The following DOK6 variants were observed in gnomAD, a reference collection of about 807,000 sequenced individuals.
DOK6 encodes the protein downstream of tyrosine kinase 6.
DOK6 carries 22 observed loss-of-function variants against 44.0 expected under a neutral mutation model. The observed-to-expected ratio is 0.50, with a 90% confidence interval of 0.36 to 0.71. The LOEUF is 0.71. Among genes scored for constraint, DOK6 ranks in the 30% least tolerant of loss-of-function variants. The pLI is 0.00. For missense variants in DOK6, 340 were observed against 416.4 expected, an observed-to-expected ratio of 0.82 and a Z score of 1.60; for synonymous variants, 166 against 145.5, an observed-to-expected ratio of 1.14 and a Z score of -1.01.
rs140434706 is a variant in DOK6, at chr18:69,599,445, C to T, written c.236C>T (p.Ala79Val). 2.4e-3 allele frequency: 3,812 copies of T among 1,613,822 alleles called. 6 individuals are homozygous for T. Among genetic ancestry groups the T allele is most frequent in the Non-Finnish European group, 2.7e-3 (3,233 of 1,179,908 alleles). ...TRLPRETKKHAVAIIFHDETS... is the reference protein window; with the variant it reads ...TRLPRETKKHVVAIIFHDETS... Reference sequence around the variant, plus strand: ...CTGCCCCGAGAGACAAAGAAGCATGCGGTGGCAATCATCTTTCACGATGAA... The same window carrying T: ...CTGCCCCGAGAGACAAAGAAGCATGTGGTGGCAATCATCTTTCACGATGAA... Residue 79 changes from alanine to valine, a missense_variant, in exon 3 of 8, where the codon GCG becomes GTG. By Grantham distance (64) the Ala-to-Val change is moderately conservative. Around this residue, in one of 3 missense-constraint regions of DOK6, gnomAD observed 206 missense variants for 258.6 expected, o/e 0.80. Transcript: ENST00000382713.
intron 7 of DOK6, among the ~76,000 whole-genome samples, chr18:69,782,954 GC>G (rs1330933429): frequency 6.6e-6 from 1 of 152,110 alleles, no homozygotes; most frequent in Non-Finnish European, 1.5e-5. Flanking sequence ...GTGCCCTGTA[GC>G]CCACGAACTT....
At chr18:69,408,704 G>A (rs1978294198) in intron 1 of DOK6, among the ~76,000 whole-genome samples, 1 of 152,118 alleles carries the variant, frequency 6.6e-6, no homozygotes, top group African/African-American at 2.4e-5. Context: ...TGTTGACATA[G>A]TCATGCCTCA....
At chr18:69,418,290 G>A (rs1032388793) in intron 1 of DOK6, among the ~76,000 whole-genome samples, 23 of 151,082 alleles carry the variant, frequency 1.5e-4, no homozygotes, top group African/African-American at 5.6e-4. Context: ...AGTTTTTGGT[G>A]TTTGTTTTTG....
intron 1 of DOK6, among the ~76,000 whole-genome samples, chr18:69,448,556 TAG>T (rs1281706993): frequency 6.6e-6 from 1 of 152,042 alleles, no homozygotes; most frequent in African/African-American, 2.4e-5. Context: ...GTATTTTTAG[TAG>T]AGACAGGGTT....
chr18:69,819,192 T>G (rs1246948496), intron 7 of DOK6, among the ~76,000 whole-genome samples: 6 of 152,176 alleles, frequency 3.9e-5, no homozygotes, highest in African/African-American at 1.4e-4. Flanking sequence ...CCAGTATCAC[T>G]CAATCTAATC....
At chr18:69,734,393 C>CAAAAAAAA (rs60831756) in intron 5 of DOK6, among the ~76,000 whole-genome samples, 43 of 48,486 alleles carry the variant, frequency 8.9e-4, no homozygotes, top group African/African-American at 1.8e-3. Context: ...TTCATAGCAG[C>CAAAAAAAA]AAAAAAAAAA....
chr18:69,810,001 T>C (rs987834543), intron 7 of DOK6, among the ~76,000 whole-genome samples: 2 of 151,830 alleles, frequency 1.3e-5, no homozygotes, highest in African/African-American at 4.8e-5. Flanking sequence ...TCTGATGGAA[T>C]CACAAAAGAT....
rs1219900659 is a variant in DOK6, at chr18:69,564,806, T to C, written c.174+212T>C. Among the ~76,000 whole-genome samples the C allele has an allele frequency of 2.0e-5, 3 of 152,222 alleles. No individual in the cohort carries two copies. In the East Asian group the frequency reaches 5.8e-4, roughly 29 times the overall value. ...GTGCAAAACCAAAGACTCATTTTTA[T>C]TGCTACTTTGCAAAATGAGATGACT... On this transcript the variant is annotated intron_variant, in intron 2 of 7. Transcript: ENST00000382713.
chr18:69,482,031 G>A (rs140773496), intron 1 of DOK6, among the ~76,000 whole-genome samples: 7,900 of 152,274 alleles, frequency 0.052, 281 homozygotes, highest in Non-Finnish European at 0.077. Context: ...CTTTTGAGAA[G>A]TGTCTGTTCA....
intron 5 of DOK6, among the ~76,000 whole-genome samples, chr18:69,721,821 AAAAT>A (rs1298140192): frequency 6.6e-6 from 1 of 152,242 alleles, no homozygotes; most frequent in African/African-American, 2.4e-5. Flanking sequence ...ACAACCTAAA[AAAAT>A]AAATAATTTA....
At chr18:69,486,804 A>G (rs1356373647) in intron 1 of DOK6, among the ~76,000 whole-genome samples, 1 of 152,188 alleles carries the variant, frequency 6.6e-6, no homozygotes. Flanking sequence ...TTAACTAACA[A>G]TGTTAAGGAA....
intron 1 of DOK6, among the ~76,000 whole-genome samples, chr18:69,509,373 C>G (rs1053975793): frequency 1.3e-5 from 2 of 152,114 alleles, no homozygotes; most frequent in African/African-American, 4.8e-5. Flanking sequence ...CGCGGTGGTT[C>G]ACGCCTGTAA....
chr18:69,534,021 T>G (rs896472720), intron 1 of DOK6, among the ~76,000 whole-genome samples: 1 of 152,216 alleles, frequency 6.6e-6, no homozygotes, highest in African/African-American at 2.4e-5. Context: ...TTTGGACTGC[T>G]AATTTTGTCT....
chr18:69,779,771 T>A (rs981249331), intron 7 of DOK6, among the ~76,000 whole-genome samples: 4 of 151,670 alleles, frequency 2.6e-5, no homozygotes, highest in Admixed American at 2.6e-4. Flanking sequence ...CATAGTCCAT[T>A]CAACTTCATA....
chr18:69,699,474 G>GA (rs200659784), intron 5 of DOK6, among the ~76,000 whole-genome samples: 18 of 151,730 alleles, frequency 1.2e-4, no homozygotes, highest in South Asian at 2.1e-4. Flanking sequence ...TTTAAGGAGG[G>GA]AAAAAACAAA....
chr18:69,773,700 G>A (rs1391476092), intron 7 of DOK6, among the ~76,000 whole-genome samples: 1 of 151,910 alleles, frequency 6.6e-6, no homozygotes, highest in East Asian at 1.9e-4. Context: ...GAAATGAGGA[G>A]TTGCTGTGCA....
At chr18:69,743,243 A>C (rs1568112902) in intron 6 of DOK6, among the ~76,000 whole-genome samples, 1 of 152,244 alleles carries the variant, frequency 6.6e-6, no homozygotes, top group African/African-American at 2.4e-5. Context: ...AAAGCTAGAT[A>C]TTTGAACACG....
At chr18:69,601,823 G>A (rs1300240643) in intron 3 of DOK6, among the ~76,000 whole-genome samples, 4 of 152,236 alleles carry the variant, frequency 2.6e-5, no homozygotes, top group East Asian at 1.9e-4. Flanking sequence ...TACACAAGAC[G>A]AGCCCAGAGC....
rs927760335 is a variant in DOK6, at chr18:69,599,907, C to A, written c.289+409C>A. On this transcript the variant is annotated intron_variant, in intron 3 of 7. Transcript: ENST00000382713. ...AGTCCGCAGACACCACAAAACAGAA[C>A]TTTGAGGAATGTATTGTTTTCATGG... is the stretch of plus-strand genomic sequence containing the variant. Among the ~76,000 whole-genome samples the A allele has an allele frequency of 4.6e-5, 7 of 152,164 alleles. No individual in the cohort carries two copies. In the South Asian group the frequency reaches 6.2e-4, roughly 14 times the overall value.
Sources: allele counts gnomAD v4.1 joint callset (sites outside exome capture counted in the v4.1 genomes callset), GRCh38; gene constraint gnomAD v4.1.1; regional missense constraint gnomAD v4.1.1; transcripts MANE v1.5; gene names NCBI Gene and HGNC (gene_info 2026-07-23, HGNC 2026-07-21).